Variants in CCDC33 observed in about 807,000 individuals in gnomAD.
CCDC33 encodes coiled-coil domain-containing protein 33.
A neutral mutation model predicts 91.9 loss-of-function variants in CCDC33; 94 were observed. The observed-to-expected ratio is 1.02, with a 90% CI of 0.87 to 1.21. The LOEUF (loss-of-function observed/expected upper bound fraction) is 1.21. Ranked by LOEUF, CCDC33 falls within the 50% of genes most tolerant of loss-of-function variation. The pLI is 0.00. For synonymous variants in CCDC33, 396 were observed against 374.5 expected (o/e 1.06, Z -0.66); for missense variants, 940 against 935.5 (o/e 1.00, Z -0.06).
At chr15:74,334,238 G>A (rs147654444) in intron 17 of CCDC33, among the ~76,000 whole-genome samples, 103 of 151,994 alleles carry the variant, frequency 6.8e-4, no homozygotes, top group African/African-American at 2.5e-3. Flanking sequence ...GTGCAACCAG[G>A]GTCAGGGTTC....
At chr15:74,335,272 A>G in intron 18 of CCDC33, 184 bp downstream of exon 18, 1 of 689,526 alleles carries the variant, frequency 1.5e-6, no homozygotes, top group Non-Finnish European at 2.7e-6. Context: ...TAATTCCCCC[A>G]CCTGTCTAAG....
intron 2 of CCDC33, among the ~76,000 whole-genome samples, chr15:74,220,043 G>A (rs2074550096): frequency 6.6e-6 from 1 of 152,204 alleles, no homozygotes; most frequent in Admixed American, 6.5e-5. Context: ...AAAGTGGAGG[G>A]AGTCGAGGGC....
intron 1 of CCDC33, among the ~76,000 whole-genome samples, chr15:74,206,902 A>C (rs1159950829): frequency 2.0e-5 from 3 of 152,238 alleles, no homozygotes; most frequent in Admixed American, 6.5e-5. Flanking sequence ...AGCAGCTCAA[A>C]CCAGCAGGTC....
intron 10 of CCDC33, among the ~76,000 whole-genome samples, chr15:74,294,431 A>G (rs1176310041): frequency 1.1e-5 from 1 of 93,266 alleles, no homozygotes; most frequent in African/African-American, 4.2e-5. Flanking sequence ...AAGGAACTTA[A>G]AATTTTATTT....
chr15:74,263,789 C>T (rs931452264), intron 3 of CCDC33, among the ~76,000 whole-genome samples: 12 of 151,912 alleles, frequency 7.9e-5, no homozygotes, highest in African/African-American at 2.7e-4. Context: ...TGTGTGTGTG[C>T]GCGTGGGTGT....
At position 74,207,898 on chromosome 15, in the gene CCDC33, G is replaced by A. The variant is rs371969752; in HGVS notation, n.90-1490G>A. 10 of 1,489,536 alleles carry A rather than the reference G, an allele frequency of 6.7e-6. 1 individual carries two copies. Among genetic ancestry groups the A allele is most frequent in the South Asian group, 6.5e-5 (5 of 76,454 alleles). The allele number at this position is 1,489,536 out of a possible 1,614,324, so 92.3% of individuals were successfully genotyped here. ...CAGTGGGCTGGAAGGCAGTGTCGTC[G>A]GCTGCCGTGCTCACGGCAGGAAGAG... On this transcript the variant is annotated intron_variant and non_coding_transcript_variant, in intron 1 of 3. Transcript: ENST00000558645.
chr15:74,314,460 T>C (rs760725805), intron 11 of CCDC33, among the ~76,000 whole-genome samples: 15 of 152,060 alleles, frequency 9.9e-5, no homozygotes, highest in Non-Finnish European at 1.9e-4. Context: ...TGCCCACTTA[T>C]AGGGTCATGG....
intron 11 of CCDC33, among the ~76,000 whole-genome samples, chr15:74,317,330 C>T (rs566220567): frequency 3.7e-4 from 56 of 152,298 alleles, no homozygotes; most frequent in African/African-American, 1.3e-3. Flanking sequence ...CACTGTACTC[C>T]AGCCTGGGAG....
At chr15:74,326,834 GACC>G (rs985918662) in intron 11 of CCDC33, among the ~76,000 whole-genome samples, 57 of 152,298 alleles carry the variant, frequency 3.7e-4, no homozygotes, top group African/African-American at 1.2e-3. Context: ...GAGTCAGCAG[GACC>G]ACAACAGGAA....
chr15:74,326,330 A>G (rs1222516009), intron 11 of CCDC33, among the ~76,000 whole-genome samples: 2 of 152,184 alleles, frequency 1.3e-5, no homozygotes, highest in Non-Finnish European at 2.9e-5. Context: ...ATCTTGGAAA[A>G]CAAGAAAGCA....
intron 7 of CCDC33, among the ~76,000 whole-genome samples, chr15:74,279,221 G>C (rs2076526271): frequency 6.6e-6 from 1 of 152,176 alleles, no homozygotes; most frequent in South Asian, 2.1e-4. Context: ...TGTTATTACA[G>C]GGAAAAATGG....
At chr15:74,335,267 C>T (rs1451979224) in intron 18 of CCDC33, 179 bp downstream of exon 18, 4 of 704,304 alleles carry the variant, frequency 5.7e-6, no homozygotes, top group African/African-American at 1.8e-5. Context: ...GGTCTTAATT[C>T]CCCCACCTGT....
At chr15:74,318,637 A>T (rs1223788115) in intron 11 of CCDC33, 5 of 768,134 alleles carry the variant, frequency 6.5e-6, no homozygotes, top group Non-Finnish European at 1.2e-5. Flanking sequence ...AGGCTGCCCC[A>T]GGCCTCATTG....
chr15:74,219,621 G>A (rs974280404), intron 2 of CCDC33, among the ~76,000 whole-genome samples: 1 of 152,192 alleles, frequency 6.6e-6, no homozygotes, highest in Non-Finnish European at 1.5e-5. Flanking sequence ...GTTCTGGTGA[G>A]GGATTGTACA....
At chr15:74,216,650 CAA>C (rs1420529747), upstream of CCDC33, among the ~76,000 whole-genome samples, 1 of 99,910 alleles carries the variant, frequency 1.0e-5, no homozygotes, top group Non-Finnish European at 2.0e-5. Flanking sequence ...GACTCCATCT[CAA>C]AAAAAAAAAA....
intron 10 of CCDC33, among the ~76,000 whole-genome samples, chr15:74,285,154 G>A (rs2959015): frequency 0.61 from 92,432 of 152,118 alleles, 33,345 homozygotes; most frequent in Non-Finnish European, 0.82. Context: ...AAATGAATGC[G>A]CGTGCCGTAT....
upstream of CCDC33, among the ~76,000 whole-genome samples, chr15:74,216,217 C>T (rs1399605811): frequency 1.3e-5 from 2 of 152,226 alleles, no homozygotes; most frequent in South Asian, 4.2e-4. Context: ...CATGCCCAGC[C>T]GCTGAGGCAA....
At chr15:74,267,325 T>A (rs2076192393) in intron 4 of CCDC33, among the ~76,000 whole-genome samples, 1 of 152,136 alleles carries the variant, frequency 6.6e-6, no homozygotes, top group African/African-American at 2.4e-5. Context: ...TGCCTCCACA[T>A]GCTGCCTTGG....
intron 11 of CCDC33, among the ~76,000 whole-genome samples, chr15:74,328,047 C>T (rs545778405): frequency 1.3e-5 from 2 of 152,284 alleles, no homozygotes; most frequent in African/African-American, 2.4e-5. Flanking sequence ...GCCAAGAAAA[C>T]CCATTTGGAT....
Sources: gnomAD v4.1 joint callset for allele counts (sites outside exome capture counted in the v4.1 genomes callset) on GRCh38, gnomAD v4.1.1 for gene constraint, MANE v1.5 for transcripts, NCBI Gene and HGNC (gene_info 2026-07-23, HGNC 2026-07-21) for gene names.